FBLN7: variants seen among roughly 807,000 people sequenced by gnomAD.
FBLN7 encodes the protein fibulin-7.
Under a neutral mutation model 44.0 loss-of-function variants are expected in FBLN7, and 31 were observed. The ratio of observed to expected loss-of-function variants is 0.70; its 90% CI spans 0.53 to 0.95. FBLN7 has a LOEUF of 0.95. Ranked by LOEUF, FBLN7 falls within the 40% of genes least tolerant of loss-of-function variation. The pLI is 0.00. For missense variants in FBLN7, 573 were observed against 618.5 expected, an observed-to-expected ratio of 0.93 and a Z score of 0.78; for synonymous variants, 262 against 253.4, an observed-to-expected ratio of 1.03 and a Z score of -0.32.
chr2:112,211,020 A>G, the FBLN7 span, among the ~76,000 whole-genome samples: 1 of 152,202 alleles, frequency 6.6e-6, no homozygotes. Flanking sequence ...TGTGGTTATA[A>G]GACTGAAATC....
At chr2:112,241,205 C>T in the FBLN7 span, among the ~76,000 whole-genome samples, 1 of 152,072 alleles carries the variant, frequency 6.6e-6, no homozygotes, top group Non-Finnish European at 1.5e-5. Context: ...ATTCTCTCTG[C>T]CCTCTCCCTC....
At chr2:112,186,295 A>G (rs6708607) in intron 7 of FBLN7, among the ~76,000 whole-genome samples, 33,085 of 152,092 alleles carry the variant, frequency 0.22, 3,907 homozygotes, top group African/African-American at 0.28. Flanking sequence ...AAGCATTTCC[A>G]CAAGACCCTC....
the FBLN7 span, among the ~76,000 whole-genome samples, chr2:112,198,896 G>C: frequency 6.6e-6 from 1 of 152,148 alleles, no homozygotes; most frequent in Non-Finnish European, 1.5e-5. Context: ...CCTCAGTAAA[G>C]CCAGGGAAGC....
intron 2 of FBLN7, among the ~76,000 whole-genome samples, chr2:112,160,850 A>ACG (rs3080943): frequency 0.04 from 1,678 of 42,194 alleles, 32 homozygotes; most frequent in African/African-American, 0.14. Flanking sequence ...GCACACGCGC[A>ACG]CACACACACA....
intron 3 of FBLN7, among the ~76,000 whole-genome samples, chr2:112,166,493 A>T (rs1262776979): frequency 6.6e-6 from 1 of 152,156 alleles, no homozygotes; most frequent in Non-Finnish European, 1.5e-5. Context: ...CTCTTTCCTG[A>T]CCCCTGGAAA....
At chr2:112,196,300 A>G in the FBLN7 span, among the ~76,000 whole-genome samples, 1 of 151,364 alleles carries the variant, frequency 6.6e-6, no homozygotes, top group Non-Finnish European at 1.5e-5. Flanking sequence ...TATGCTGTGG[A>G]CTGAGGAACA....
At chr2:112,195,239 G>C in the FBLN7 span, among the ~76,000 whole-genome samples, 1 of 152,216 alleles carries the variant, frequency 6.6e-6, no homozygotes, top group Admixed American at 6.5e-5. Flanking sequence ...TGAGAAATTA[G>C]ATCGTAGCAA....
At chr2:112,141,241 T>C (rs1308121391) in intron 1 of FBLN7, among the ~76,000 whole-genome samples, 1 of 152,158 alleles carries the variant, frequency 6.6e-6, no homozygotes, top group African/African-American at 2.4e-5. Context: ...ATTTTGCAGA[T>C]GATGAAAGTG....
chr2:112,203,490 C>G, the FBLN7 span, among the ~76,000 whole-genome samples: 3 of 151,992 alleles, frequency 2.0e-5, no homozygotes, highest in African/African-American at 7.3e-5. Context: ...ACAAGCAAAC[C>G]CTGGATGGAG....
Position 112,146,244 on chromosome 2 carries a change from C to T in FBLN7, c.75+7514C>T, listed in dbSNP as rs562055598. 4.6e-5 allele frequency among the ~76,000 whole-genome samples: 7 copies of T among 152,284 alleles called. No homozygotes were observed. In the South Asian group the frequency reaches 1.2e-3, roughly 27 times the overall value. ...CTGAGGCAGGAGAATTGCTTGAACC[C>T]GGGAGGCAGAGATTGCAGTGAGCCA... On this transcript the variant is annotated intron_variant, in intron 1 of 7. Transcript: ENST00000331203.
intron 2 of FBLN7, among the ~76,000 whole-genome samples, chr2:112,160,782 GCACGCACACGCA>G (rs1163839816): frequency 8.4e-5 from 11 of 131,464 alleles, no homozygotes; most frequent in African/African-American, 2.4e-4. Flanking sequence ...AGACGCACAC[GCACGCACACGCA>G]CACACGCACG....
At chr2:112,206,517 G>C in the FBLN7 span, among the ~76,000 whole-genome samples, 3 of 152,082 alleles carry the variant, frequency 2.0e-5, no homozygotes, top group Non-Finnish European at 4.4e-5. Context: ...AGATTCCTGG[G>C]TTCAAGCAAT....
At chr2:112,173,992 A>G (rs954926970) in intron 3 of FBLN7, among the ~76,000 whole-genome samples, 2 of 152,230 alleles carry the variant, frequency 1.3e-5, no homozygotes, top group African/African-American at 4.8e-5. Flanking sequence ...ACCCATCCAC[A>G]TGGTTCAGGT....
intron 6 of FBLN7, among the ~76,000 whole-genome samples, chr2:112,184,621 T>C (rs977589759): frequency 1.5e-5 from 2 of 136,396 alleles, no homozygotes; most frequent in Non-Finnish European, 3.2e-5. Flanking sequence ...AAGATTCTAA[T>C]TTAAAAAAAG....
At chr2:112,240,984 TGC>T in the FBLN7 span, among the ~76,000 whole-genome samples, 563 of 132,422 alleles carry the variant, frequency 4.3e-3, 1 homozygote, top group African/African-American at 0.015. Flanking sequence ...TGTGTGTGTG[TGC>T]GCGTGTGTAT....
intron 3 of FBLN7, among the ~76,000 whole-genome samples, chr2:112,171,542 T>C (rs577111978): frequency 6.6e-6 from 1 of 152,030 alleles, no homozygotes; most frequent in East Asian, 1.9e-4. Flanking sequence ...GCCTTTTAAA[T>C]ATATAGTAGA....
At chr2:112,208,335 A>T in the FBLN7 span, among the ~76,000 whole-genome samples, 2 of 152,178 alleles carry the variant, frequency 1.3e-5, no homozygotes, top group Non-Finnish European at 2.9e-5. Context: ...CTGGAGGCGG[A>T]GGTTGCAGTG....
chr2:112,182,818 A>C lies in FBLN7; in HGVS notation c.698A>C (p.Gln233Pro), dbSNP rs763254491. The C allele has an allele frequency of 1.9e-6, 3 of 1,609,698 alleles. No homozygotes were observed. Among genetic ancestry groups the C allele is most frequent in the South Asian group, 2.2e-5 (2 of 89,908 alleles). Residue 233 changes from glutamine to proline, a missense_variant, in exon 6 of 8, where the codon CAG becomes CCG. Physicochemically the swap from Gln to Pro is moderately conservative, Grantham distance 76 (BLOSUM62 -1). Coordinates refer to ENST00000331203, the MANE Select transcript of FBLN7 (RefSeq NM_153214.3). Reference sequence around the variant, plus strand: ...GTGAACGAGTGTGAGCTCTACGGGCAGGAGGGGCGCCCCCGGCTCTGCATG... The same window carrying C: ...GTGAACGAGTGTGAGCTCTACGGGCCGGAGGGGCGCCCCCGGCTCTGCATG... ...QDVNECELYG[Q>P]EGRPRLCMHA...
the FBLN7 span, among the ~76,000 whole-genome samples, chr2:112,195,050 G>C: frequency 1.3e-5 from 2 of 152,150 alleles, no homozygotes; most frequent in African/African-American, 2.4e-5. Context: ...TGGAGAAGTT[G>C]GTTCTTATTA....
Sources: gnomAD v4.1 joint callset for allele counts (sites outside exome capture counted in the v4.1 genomes callset) on GRCh38, gnomAD v4.1.1 for gene constraint, MANE v1.5 for transcripts, NCBI Gene and HGNC (gene_info 2026-07-23, HGNC 2026-07-21) for gene names.